Variants in ESRRG observed in about 807,000 individuals in gnomAD.
ESRRG encodes estrogen-related receptor gamma.
Under a neutral mutation model 44.0 loss-of-function variants are expected in ESRRG, and 13 were observed. That is an observed-to-expected ratio of 0.30 (90% CI 0.19 to 0.47). ESRRG has a LOEUF of 0.47. Ranked by LOEUF, ESRRG falls within the 20% of genes least tolerant of loss-of-function variation. The probability of loss-of-function intolerance (pLI) is 1.00; values close to 1 mark genes in which losing one functional copy is unlikely to be tolerated. For synonymous variants in ESRRG, 215 were observed against 214.6 expected, an observed-to-expected ratio of 1.00 and a Z score of -0.02; for missense variants, 395 against 580.6, an observed-to-expected ratio of 0.68 and a Z score of 3.29.
intron 1 of ESRRG, among the ~76,000 whole-genome samples, chr1:216,986,789 G>A (rs994624911): frequency 2.0e-5 from 3 of 152,018 alleles, no homozygotes; most frequent in Non-Finnish European, 4.4e-5. Context: ...GACCTAGTCT[G>A]GAAAATTCTT....
At chr1:216,759,187 T>C (rs1027449102) in intron 2 of ESRRG, among the ~76,000 whole-genome samples, 2 of 152,148 alleles carry the variant, frequency 1.3e-5, no homozygotes, top group Non-Finnish European at 2.9e-5. Flanking sequence ...TGCCAGATAA[T>C]GTGCCCCAGA....
At chr1:216,621,610 C>T (rs1008639008) in intron 3 of ESRRG, among the ~76,000 whole-genome samples, 2 of 152,174 alleles carry the variant, frequency 1.3e-5, no homozygotes, top group Admixed American at 1.3e-4. Flanking sequence ...AAACTGAATG[C>T]CCCATGACTG....
intron 1 of ESRRG, among the ~76,000 whole-genome samples, chr1:216,691,756 C>G (rs1187777087): frequency 2.0e-5 from 3 of 152,164 alleles, no homozygotes; most frequent in Non-Finnish European, 4.4e-5. Context: ...CTGGCCTTCC[C>G]TGAGCTGACC....
At chr1:216,698,521 A>AG (rs1250753650) in intron 1 of ESRRG, among the ~76,000 whole-genome samples, 2 of 150,414 alleles carry the variant, frequency 1.3e-5, no homozygotes, top group Non-Finnish European at 3.0e-5. Context: ...TCAGTCTCAA[A>AG]AAAAAAAAAA....
chr1:216,567,851 G>C, intron 4 of ESRRG, 137 bp downstream of exon 4: 1 of 604,696 alleles, frequency 1.7e-6, no homozygotes, highest in Non-Finnish European at 3.0e-6. Flanking sequence ...GACAATCTTT[G>C]GGAATAGAGC....
chr1:216,737,732 A>G (rs1244137277), intron 2 of ESRRG, among the ~76,000 whole-genome samples: 3 of 151,972 alleles, frequency 2.0e-5, no homozygotes, highest in African/African-American at 4.8e-5. Context: ...TACCTGAATT[A>G]TTGGTTTTAT....
At chr1:217,083,630 T>G (rs986140578) in intron 1 of ESRRG, among the ~76,000 whole-genome samples, 2 of 152,216 alleles carry the variant, frequency 1.3e-5, no homozygotes, top group African/African-American at 2.4e-5. Context: ...TCTGCTAGTA[T>G]GCACATTAGC....
chr1:216,972,235 A>G (rs1461302949), intron 1 of ESRRG, among the ~76,000 whole-genome samples: 1 of 152,154 alleles, frequency 6.6e-6, no homozygotes, highest in African/African-American at 2.4e-5. Flanking sequence ...GTGATAGGTG[A>G]GTCAAGTGGT....
intron 1 of ESRRG, among the ~76,000 whole-genome samples, chr1:217,134,448 A>G (rs2093018677): frequency 1.3e-5 from 2 of 152,150 alleles, no homozygotes; most frequent in Non-Finnish European, 2.9e-5. Context: ...CAGAGAAGCG[A>G]AGCCAGCGGT....
chr1:216,782,226 C>T (rs2093961016), intron 2 of ESRRG, among the ~76,000 whole-genome samples: 1 of 152,008 alleles, frequency 6.6e-6, no homozygotes, highest in African/African-American at 2.4e-5. Context: ...GTATATCTGC[C>T]CTTTAAATCC....
chr1:216,889,257 A>G (rs2057450502), intron 2 of ESRRG, among the ~76,000 whole-genome samples: 1 of 152,180 alleles, frequency 6.6e-6, no homozygotes, highest in Non-Finnish European at 1.5e-5. Flanking sequence ...ACATATTCTG[A>G]CTGGACATTT....
intron 1 of ESRRG, among the ~76,000 whole-genome samples, chr1:217,087,070 G>A (rs1297166388): frequency 6.6e-6 from 1 of 152,156 alleles, no homozygotes; most frequent in African/African-American, 2.4e-5. Context: ...GTTTTCTCTT[G>A]AGTATTCAGG....
intron 1 of ESRRG, among the ~76,000 whole-genome samples, chr1:216,680,055 C>T (rs1354038563): frequency 6.6e-6 from 1 of 152,198 alleles, no homozygotes; most frequent in Non-Finnish European, 1.5e-5. Flanking sequence ...TAAACAAGGT[C>T]TGGCCACTGG....
At chr1:216,873,204 T>A (rs2096282104) in intron 2 of ESRRG, among the ~76,000 whole-genome samples, 1 of 122,546 alleles carries the variant, frequency 8.2e-6, no homozygotes, top group Admixed American at 9.6e-5. Context: ...ATAAACATCT[T>A]TTCAGTTTTT....
At chr1:216,858,446 TA>T (rs2095992095) in intron 2 of ESRRG, among the ~76,000 whole-genome samples, 1 of 151,636 alleles carries the variant, frequency 6.6e-6, no homozygotes, top group Non-Finnish European at 1.5e-5. Flanking sequence ...CAAAAAATAA[TA>T]ATAATAAAAT....
At chr1:216,909,845 G>T (rs1234275931) in intron 2 of ESRRG, among the ~76,000 whole-genome samples, 2 of 152,074 alleles carry the variant, frequency 1.3e-5, no homozygotes, top group Non-Finnish European at 2.9e-5. Flanking sequence ...ATTGTTATGG[G>T]CTCTTTTCAG....
At chr1:216,529,993 T>C (rs950598126) in intron 5 of ESRRG, among the ~76,000 whole-genome samples, 3 of 151,440 alleles carry the variant, frequency 2.0e-5, no homozygotes, top group African/African-American at 7.3e-5. Flanking sequence ...GGGTATGTAT[T>C]CCCAGCTACT....
intron 2 of ESRRG, among the ~76,000 whole-genome samples, chr1:216,668,830 A>T (rs2074538749): frequency 6.6e-6 from 1 of 152,238 alleles, no homozygotes; most frequent in South Asian, 2.1e-4. Flanking sequence ...AATTCTGAAG[A>T]AGTAAAAATA....
chr1:216,766,099 A>G lies in ESRRG; in HGVS notation c.-13-88608T>C, dbSNP rs563758159. Among the ~76,000 whole-genome samples the G allele has an allele frequency of 5.3e-5, 8 of 152,270 alleles. 1 individual carries two copies. The South Asian group carries it at 1.7e-3, about 32-fold the overall frequency. ...GAACCTGTCGGGTTTTGATCTCTTC[A>G]TTCAGCATACTTGTCCTCACGGAGG... is the stretch of plus-strand genomic sequence containing the variant. On this transcript the variant is annotated intron_variant, in intron 2 of 7. Transcript: ENST00000359162.
Sources: gnomAD v4.1 joint callset for allele counts (sites outside exome capture counted in the v4.1 genomes callset) on GRCh38, gnomAD v4.1.1 for gene constraint, MANE v1.5 for transcripts, NCBI Gene and HGNC (gene_info 2026-07-23, HGNC 2026-07-21) for gene names.